The following DOK3 variants were observed in gnomAD, a reference collection of about 807,000 sequenced individuals.
DOK3 encodes docking protein 3, also known as Dok-like protein.
Under a neutral mutation model 26.2 loss-of-function variants are expected in DOK3, and 23 were observed. The ratio of observed to expected loss-of-function variants is 0.88; its 90% CI spans 0.63 to 1.24. The LOEUF is 1.24. Ranked by LOEUF, DOK3 falls within the 50% of genes most tolerant of loss-of-function variation. The probability of loss-of-function intolerance (pLI) is 0.00; values close to 1 mark genes in which losing one functional copy is unlikely to be tolerated. For synonymous variants in DOK3, 268 were observed against 268.2 expected, an observed-to-expected ratio of 1.00 and a Z score of 0.01; for missense variants, 619 against 610.6, an observed-to-expected ratio of 1.01 and a Z score of -0.15.
rs761122583 is a variant in DOK3 at position 177,508,507 on chromosome 5, T to A, written c.102A>T (p.Ala34=). The A allele has an allele frequency of 2.5e-6, 4 of 1,582,012 alleles. No individual in the cohort carries two copies. Among genetic ancestry groups the A allele is most frequent in the Admixed American group, 1.8e-5 (1 of 56,414 alleles). The change falls in exon 3 of 6, where the codon GCA becomes GCT. Residue 34 remains alanine (A), a synonymous_variant. Coordinates refer to ENST00000510898, the MANE Select transcript of DOK3 (RefSeq NM_001308236.3). The part of the protein sequence containing the change: ...CWRKVWALLY[A]GGPSGVARLE... ...GCCGTGCCACGCCTGATGGGCCTCC[T>A]GCATACAGCAGAGCCCACACCTTCC...
Position 177,504,446 on chromosome 5 carries a change from A to G in DOK3, c.860T>C (p.Met287Thr). The G allele has an allele frequency of 6.3e-7, 1 of 1,576,740 alleles. No homozygotes were observed. Among genetic ancestry groups the G allele is most frequent in the Non-Finnish European group, 8.6e-7 (1 of 1,162,006 alleles). ...SLDTPGELRE[M>T]PPGPEPPTSR... ...CGTGGGTGGCTCAGGTCCTGGTGGC[A>G]TCTCCCGAAGCTCTCCGGGGGTGTC... Residue 287 changes from methionine (M) to threonine (T), a missense_variant, in exon 6 of 6, where the codon ATG becomes ACG. Coordinates refer to ENST00000510898, the MANE Select transcript of DOK3 (RefSeq NM_001308236.3).
chr5:177,503,698 GA>G lies in DOK3; in HGVS notation c.*284del. The stretch of plus-strand genomic sequence containing the variant: ...AAGGCCCAGGTCACCTGTGCCCCTG[GA>G]ACCGGCACAGGGTGCTTGTGTTGGC... On this transcript the variant is annotated 3_prime_UTR_variant, in exon 6 of 6. Coordinates refer to ENST00000510898, the MANE Select transcript of DOK3 (RefSeq NM_001308236.3). 5.7e-6 allele frequency: 8 copies of G among 1,399,484 alleles called. No homozygotes were observed. The South Asian group carries it at 1.3e-4, about 23-fold the overall frequency. 86.7% of individuals were successfully genotyped at this position (1,399,484 alleles called of 1,614,324 possible). A position where few individuals can be genotyped will look rare whatever the true frequency, so the allele number is the denominator to read the frequency against.
At position 177,504,591 on chromosome 5, in the gene DOK3, A is replaced by G; in HGVS notation, c.715T>C (p.Cys239Arg). The stretch of plus-strand genomic sequence containing the variant: ...ACAGCCCTGCACAGGTCAGGGGCAC[A>G]GGGGGTGCTGAAGGCAAAGAGGCCC... Reference protein sequence around the residue: ...GEGLFAFSTPCAPDLCRAVAG... With the variant: ...GEGLFAFSTPRAPDLCRAVAG... Residue 239 changes from cysteine to arginine, a missense_variant, in exon 6 of 6, where the codon TGT becomes CGT. Physicochemically the swap from Cys to Arg is radical, Grantham distance 180 (BLOSUM62 -3). Coordinates refer to ENST00000510898, the MANE Select transcript of DOK3 (RefSeq NM_001308236.3). 6.2e-7 allele frequency: 1 copy of G among 1,608,384 alleles called. No homozygotes were observed. The highest frequency in any genetic ancestry group is 1.7e-4 in the Middle Eastern group (1 of 5,984).
At chr5:177,508,072 T>C (rs1427027357) in intron 3 of DOK3, among the ~76,000 whole-genome samples, 165 bp downstream of exon 3, 1 of 151,928 alleles carries the variant, frequency 6.6e-6, no homozygotes, top group Non-Finnish European at 1.5e-5. Flanking sequence ...TGGCGGTCCA[T>C]TTTCTCCATG....
At position 177,504,501 on chromosome 5, in the gene DOK3, G is replaced by A. The variant is rs1296438618; in HGVS notation, c.805C>T (p.Leu269=). ...PELTRPQPCP[L]PRATSLPSLD... is the part of the protein sequence containing the mutation. ...GAGGGCAGAGAGGTGGCCCGTGGCA[G>A]GGGGCAGGGCTGGGGCCTGGTCAGC... is the stretch of plus-strand genomic sequence containing the variant. Residue 269 remains leucine, a synonymous_variant, in exon 6 of 6, where the codon CTG becomes TTG. Coordinates refer to ENST00000510898, the MANE Select transcript of DOK3 (RefSeq NM_001308236.3). The A allele has an allele frequency of 6.3e-7, 1 of 1,584,688 alleles. No homozygotes were observed. The highest frequency in any genetic ancestry group is 8.6e-7 in the Non-Finnish European group (1 of 1,168,822).
intron 2 of DOK3, 181 bp downstream of exon 2, chr5:177,509,294 C>G (rs1760664143): frequency 4.2e-6 from 3 of 710,614 alleles, no homozygotes; most frequent in Non-Finnish European, 6.7e-6. Flanking sequence ...CTGCTCAGCC[C>G]CTGCCGTCTC....
In DOK3 at chr5:177,502,709, T is replaced by C; in HGVS notation, c.*1274A>G. 1 of 287,170 alleles carries C rather than the reference T, an allele frequency of 3.5e-6. No individual in the cohort carries two copies. Among genetic ancestry groups the C allele is most frequent in the East Asian group, 6.7e-5 (1 of 14,984 alleles). The allele number at this position is 287,170 out of a possible 1,614,324, so 17.8% of individuals were successfully genotyped here. On this transcript the variant is annotated 3_prime_UTR_variant, in exon 6 of 6. Coordinates refer to ENST00000510898, the MANE Select transcript of DOK3 (RefSeq NM_001308236.3). ...GGCAGGGAGTGCCTGCCTTGCACTG[T>C]TAAGAAGGATGCAGGCAGTCTGCTT...
In DOK3 at chr5:177,504,517, C is replaced by A; in HGVS notation, c.789G>T (p.Arg263Ser). 6.3e-7 allele frequency: 1 copy of A among 1,590,484 alleles called. No individual in the cohort carries two copies. ...RQRERLPELTRPQPCPLPRAT... is the reference protein window; with the variant it reads ...RQRERLPELTSPQPCPLPRAT... Reference sequence around the variant, plus strand: ...CCCGTGGCAGGGGGCAGGGCTGGGGCCTGGTCAGCTCTGGCAGCCGCTCCC... The same window carrying A: ...CCCGTGGCAGGGGGCAGGGCTGGGGACTGGTCAGCTCTGGCAGCCGCTCCC... The change falls in exon 6 of 6, where the codon AGG (arginine) becomes AGT (serine). Residue 263 changes from arginine to serine, a missense_variant. Physicochemically the swap from Arg to Ser is moderately radical, Grantham distance 110. Coordinates refer to ENST00000510898, the MANE Select transcript of DOK3 (RefSeq NM_001308236.3).
At chr5:177,510,064 C>T, upstream of DOK3, 3 of 669,254 alleles carry the variant, frequency 4.5e-6, no homozygotes, top group South Asian at 5.5e-5. Flanking sequence ...TCACGAGCCA[C>T]TGAACATCAC....
In DOK3 at chr5:177,504,827, G is replaced by A. The variant is rs367830993; in HGVS notation, c.561C>T (p.Asp187=). 266 of 1,613,660 alleles carry A rather than the reference G, an allele frequency of 1.6e-4. 1 individual carries two copies. In the South Asian group the frequency reaches 1.9e-3, roughly 12 times the overall value. The change falls in exon 5 of 6, where the codon GAC becomes GAT. Residue 187 remains aspartate, a synonymous_variant. Transcript: ENST00000510898. ...CCTTGGCCTCCCTCAGCTGGATGGC[G>A]TCTGGGCCCAGCACCAGCAGGGCCG... is the stretch of plus-strand genomic sequence containing the variant. The part of the protein sequence containing the change: ...KGPALLVLGP[D]AIQLREAKGT...
intron 3 of DOK3, 49 bp downstream of exon 3, chr5:177,508,188 T>C: frequency 7.1e-7 from 1 of 1,408,626 alleles, no homozygotes; most frequent in Non-Finnish European, 9.2e-7. Context: ...GGTGGACAAG[T>C]CGGGGGCAGG....
In DOK3 at chr5:177,502,606, G is replaced by A; in HGVS notation, c.*1377C>T. 6.0e-6 allele frequency: 1 copy of A among 166,538 alleles called. No homozygotes were observed. The highest frequency in any genetic ancestry group is 1.3e-5 in the Non-Finnish European group (1 of 76,946). The allele number at this position is 166,538 out of a possible 1,614,324, so 10.3% of individuals were successfully genotyped here. A position where few individuals can be genotyped will look rare whatever the true frequency, so the allele number is the denominator to read the frequency against. On this transcript the variant is annotated 3_prime_UTR_variant, in exon 6 of 6. Transcript: ENST00000510898. ...CGACCTGTTTCCCCAATATGCCTGT[G>A]AGGAGACATTGGGTGGGGATAGACA...
chr5:177,509,585 C>CT lies in DOK3; in HGVS notation c.-46dup. On this transcript the variant is annotated 5_prime_UTR_variant, in exon 2 of 6. Transcript: ENST00000510898. ...GCCGCCGCTTCAAGACCTGGGGAGACTGATGACAGGCTGGACGGGAACTCC... is the reference window on the plus strand; with the variant it reads ...GCCGCCGCTTCAAGACCTGGGGAGACTTGATGACAGGCTGGACGGGAACTCC... The CT allele has an allele frequency of 6.2e-7, 1 of 1,607,792 alleles. No homozygotes were observed. The highest frequency in any genetic ancestry group is 8.5e-7 in the Non-Finnish European group (1 of 1,176,560).
At chr5:177,506,685 CTTTTTTT>C (rs55649685) in intron 3 of DOK3, among the ~76,000 whole-genome samples, 13 of 75,916 alleles carry the variant, frequency 1.7e-4, no homozygotes, top group Non-Finnish European at 2.8e-4. Context: ...TTTTTCTTTT[CTTTTTTT>C]TTTTTTTTTT....
At chr5:177,507,423 G>T (rs1760341625) in intron 3 of DOK3, among the ~76,000 whole-genome samples, 1 of 152,084 alleles carries the variant, frequency 6.6e-6, no homozygotes, top group Non-Finnish European at 1.5e-5. Context: ...CCTTCTGGTG[G>T]CTGTGAGTAG....
chr5:177,501,917 A>T lies in DOK3; in HGVS notation c.*2066T>A, dbSNP rs1006821757. 2.6e-5 allele frequency: 4 copies of T among 152,300 alleles called. No individual in the cohort carries two copies. Among genetic ancestry groups the T allele is most frequent in the South Asian group, 4.1e-4 (2 of 4,826 alleles). 9.4% of individuals were successfully genotyped at this position (152,300 alleles called of 1,614,324 possible). A position where few individuals can be genotyped will look rare whatever the true frequency, so the allele number is the denominator to read the frequency against. On this transcript the variant is annotated 3_prime_UTR_variant, in exon 6 of 6. Transcript: ENST00000510898. ...CAGGCATGGGCATTTGATTTTTAAA[A>T]TTTTTTATTTTCTTGGTAGATCACT...
chr5:177,503,467 C>A lies in DOK3; in HGVS notation c.*516G>T. The A allele has an allele frequency of 6.8e-7, 1 of 1,465,336 alleles. No homozygotes were observed. Among genetic ancestry groups the A allele is most frequent in the Admixed American group, 2.4e-5 (1 of 41,840 alleles). 90.8% of individuals were successfully genotyped at this position (1,465,336 alleles called of 1,614,324 possible). On this transcript the variant is annotated 3_prime_UTR_variant, in exon 6 of 6. Coordinates refer to ENST00000510898, the MANE Select transcript of DOK3 (RefSeq NM_001308236.3). ...GTCTCTGAAATCCCTTCCACCTGCA[C>A]CCCGCCCCCACTGCCTCCTCCCAGC...
In DOK3 at chr5:177,508,518, G is replaced by A; in HGVS notation, c.91C>T (p.Leu31=). 1.3e-6 allele frequency: 2 copies of A among 1,569,358 alleles called. No homozygotes were observed. The highest frequency in any genetic ancestry group is 1.2e-5 in the South Asian group (1 of 86,556). The stretch of plus-strand genomic sequence containing the variant: ...CCTGATGGGCCTCCTGCATACAGCA[G>A]AGCCCACACCTTCCGCCAGCACTTC... ...GKKCWRKVWA[L]LYAGGPSGVA... is the part of the protein sequence containing the mutation. The change falls in exon 3 of 6, where the codon CTG becomes TTG. Residue 31 remains leucine (L), a synonymous_variant. Transcript: ENST00000510898.
At chr5:177,511,012 T>G (rs1308365455), upstream of DOK3, 3 of 152,378 alleles carry the variant, frequency 2.0e-5, no homozygotes, top group African/African-American at 7.2e-5. Flanking sequence ...TCCCCTCGCC[T>G]GACGGCTTCC....
Sources: allele counts gnomAD v4.1 joint callset (sites outside exome capture counted in the v4.1 genomes callset), GRCh38; gene constraint gnomAD v4.1.1; transcripts MANE v1.5; gene names NCBI Gene and HGNC (gene_info 2026-07-23, HGNC 2026-07-21).